The following BRWD1 variants were observed in gnomAD, a reference collection of about 807,000 sequenced individuals.
BRWD1 encodes the protein bromodomain and WD repeat domain containing 1, also known as bromodomain and WD repeat-containing protein 1.
Under a neutral mutation model 251.2 loss-of-function variants are expected in BRWD1, and 82 were observed. The observed-to-expected ratio is 0.33, with a 90% CI of 0.27 to 0.39. The LOEUF (loss-of-function observed/expected upper bound fraction) is 0.39. BRWD1 is among the 10% of genes least tolerant of loss of function. The pLI is 1.00. For missense variants in BRWD1, 2,233 were observed against 2,711.6 expected (o/e 0.82, Z 3.92); for synonymous variants, 918 against 902.8 (o/e 1.02, Z -0.30).
In BRWD1 at chr21:39,187,325, T is replaced by C. The variant is rs752310727; in HGVS notation, c.*8934A>G. 6.2e-7 allele frequency: 1 copy of C among 1,613,990 alleles called. No individual in the cohort carries two copies. The highest frequency in any genetic ancestry group is 1.1e-5 in the South Asian group (1 of 91,078). On this transcript the variant is annotated 3_prime_UTR_variant, in exon 41 of 41. Coordinates refer to ENST00000342449, the MANE Select transcript of BRWD1 (RefSeq NM_033656.4). ...ACTTTCTCAGGTACCATTTTTGCTT[T>C]CAGAGTTTCACTAGGCATCTGCACT...
At chr21:39,238,690 G>A in intron 21 of BRWD1, 117 bp from the exon 22 acceptor site, 2 of 658,156 alleles carry the variant, frequency 3.0e-6, no homozygotes, top group Non-Finnish European at 5.3e-6. Context: ...AAAATGAACA[G>A]TAATCAGTAA....
In BRWD1 at chr21:39,192,745, G is replaced by A; in HGVS notation, c.*3514C>T. The A allele has an allele frequency of 2.0e-6, 2 of 985,016 alleles. No individual in the cohort carries two copies. Among genetic ancestry groups the A allele is most frequent in the Non-Finnish European group, 2.4e-6 (2 of 829,638 alleles). The allele number at this position is 985,016 out of a possible 1,614,324, so 61.0% of individuals were successfully genotyped here. A position where few individuals can be genotyped will look rare whatever the true frequency, so the allele number is the denominator to read the frequency against. Reference sequence around the variant, plus strand: ...TTACTCAAAAAATTGATACAATGGAGTGGAAAGGAAAACAAAAAAGATCGT... The same window carrying A: ...TTACTCAAAAAATTGATACAATGGAATGGAAAGGAAAACAAAAAAGATCGT... On this transcript the variant is annotated 3_prime_UTR_variant, in exon 41 of 41. Transcript: ENST00000342449.
chr21:39,266,307 T>G (rs2034921039), intron 15 of BRWD1, among the ~76,000 whole-genome samples: 1 of 152,132 alleles, frequency 6.6e-6, no homozygotes, highest in Non-Finnish European at 1.5e-5. Flanking sequence ...TGTGTGTATA[T>G]ATATTATATA....
At chr21:39,234,682 G>A (rs1159980795) in intron 23 of BRWD1, among the ~76,000 whole-genome samples, 1 of 152,150 alleles carries the variant, frequency 6.6e-6, no homozygotes, top group African/African-American at 2.4e-5. Context: ...CAACAGCTCA[G>A]GGAACATGTT....
intron 20 of BRWD1, among the ~76,000 whole-genome samples, chr21:39,248,256 T>TA (rs1410241993): frequency 6.6e-6 from 1 of 151,912 alleles, no homozygotes; most frequent in African/African-American, 2.4e-5. Flanking sequence ...TACTAATCAT[T>TA]AGAGAAATGC....
Position 39,236,702 on chromosome 21 carries a change from G to T in BRWD1, c.2659C>A (p.Arg887=). 3 of 1,613,932 alleles carry T rather than the reference G, an allele frequency of 1.9e-6. No individual in the cohort carries two copies. The highest frequency in any genetic ancestry group is 2.5e-6 in the Non-Finnish European group (3 of 1,179,948). ...GAACTACTACAAAATCGAGTAATTC[G>T]TCGACGACATGATGTTCTTAAAGGA... is the stretch of plus-strand genomic sequence containing the variant. ...QPPLRTSCRR[R]ITRFCSSSED... is the part of the protein sequence containing the mutation. The change falls in exon 23 of 41, where the codon CGA becomes AGA. Residue 887 remains arginine (R), a synonymous_variant. Transcript: ENST00000342449.
intron 8 of BRWD1, among the ~76,000 whole-genome samples, chr21:39,292,122 T>TGGGGGGGGGGGGGGGG (rs1336734101): frequency 4.6e-4 from 1 of 2,184 alleles, no homozygotes; most frequent in Non-Finnish European, 1.1e-3. Context: ...TTGTGGGGGG[T>TGGGGGGGGGGGGGGGG]GGGTGGGGGT....
intron 31 of BRWD1, 98 bp from the exon 32 acceptor site, chr21:39,215,460 A>G: frequency 9.3e-7 from 1 of 1,072,616 alleles, no homozygotes; most frequent in Non-Finnish European, 1.4e-6. Flanking sequence ...TGAAATAATA[A>G]TTAAACCATA....
Position 39,194,510 on chromosome 21 carries a change from C to T in BRWD1, c.*1749G>A. On this transcript the variant is annotated 3_prime_UTR_variant, in exon 41 of 41. Coordinates refer to ENST00000342449, the MANE Select transcript of BRWD1 (RefSeq NM_033656.4). Reference sequence around the variant, plus strand: ...TTCTGAGAAGAAAAGCATCATAGTTCTGAAATGGTGATAGCTCTCTAAGCC... The same window carrying T: ...TTCTGAGAAGAAAAGCATCATAGTTTTGAAATGGTGATAGCTCTCTAAGCC... 2 of 1,422,480 alleles carry T rather than the reference C, an allele frequency of 1.4e-6. No individual in the cohort carries two copies. The highest frequency in any genetic ancestry group is 5.0e-5 in the East Asian group (2 of 39,620). 88.1% of individuals were successfully genotyped at this position (1,422,480 alleles called of 1,614,324 possible). A position where few individuals can be genotyped will look rare whatever the true frequency, so the allele number is the denominator to read the frequency against.
chr21:39,198,585 G>A (rs1266731407), intron 40 of BRWD1, among the ~76,000 whole-genome samples, 178 bp downstream of exon 40: 1 of 152,100 alleles, frequency 6.6e-6, no homozygotes, highest in Non-Finnish European at 1.5e-5. Context: ...AGTTACGCAT[G>A]CACATAAGAA....
chr21:39,274,521 A>G, intron 12 of BRWD1, 49 bp from the exon 13 acceptor site: 1 of 1,385,972 alleles, frequency 7.2e-7, no homozygotes, highest in Non-Finnish European at 1.0e-6. Flanking sequence ...ACTTTCCAAC[A>G]AGGGCTACAA....
intron 13 of BRWD1, among the ~76,000 whole-genome samples, chr21:39,273,114 C>T (rs756360282): frequency 6.6e-6 from 1 of 152,142 alleles, no homozygotes; most frequent in Non-Finnish European, 1.5e-5. Flanking sequence ...CTTCATGGAT[C>T]GAGTGCGTCA....
chr21:39,262,989 G>A (rs1425222782), intron 17 of BRWD1, among the ~76,000 whole-genome samples: 2 of 151,078 alleles, frequency 1.3e-5, no homozygotes, highest in South Asian at 2.1e-4. Flanking sequence ...GTTAGCACAC[G>A]CCTACAGTCC....
At chr21:39,302,605 A>G (rs532638485) in intron 4 of BRWD1, among the ~76,000 whole-genome samples, 3 of 151,974 alleles carry the variant, frequency 2.0e-5, no homozygotes, top group South Asian at 4.2e-4. Flanking sequence ...AAAAATACAA[A>G]AATTAGCCAG....
chr21:39,228,728 T>C, intron 26 of BRWD1, 146 bp from the exon 27 acceptor site: 1 of 543,342 alleles, frequency 1.8e-6, no homozygotes. Flanking sequence ...AACAGTAAAC[T>C]TCATAGCATA....
At chr21:39,240,060 A>C (rs532320874) in intron 21 of BRWD1, among the ~76,000 whole-genome samples, 7 of 150,718 alleles carry the variant, frequency 4.6e-5, no homozygotes, top group Non-Finnish European at 8.8e-5. Context: ...TGCTAAAAAA[A>C]ACAAACAAAC....
chr21:39,216,750 G>A, intron 31 of BRWD1: 1 of 404,906 alleles, frequency 2.5e-6, no homozygotes, highest in Admixed American at 3.0e-5. Context: ...AAAGCCTGAA[G>A]AGACCACCTG....
At chr21:39,263,363 T>C (rs1177073182) in intron 17 of BRWD1, among the ~76,000 whole-genome samples, 1 of 152,150 alleles carries the variant, frequency 6.6e-6, no homozygotes, top group Admixed American at 6.5e-5. Context: ...ACTTTGCACT[T>C]GGCTACGACA....
Position 39,215,356 on chromosome 21 carries a change from C to G in BRWD1, c.3666G>C (p.Leu1222=), listed in dbSNP as rs370690155. 1.6e-5 allele frequency: 25 copies of G among 1,612,668 alleles called. No homozygotes were observed. Among genetic ancestry groups the G allele is most frequent in the Non-Finnish European group, 2.0e-5 (24 of 1,179,290 alleles). ...ATCTGACTTCCCAAACTAACGCAGA[C>G]AGCCTCCTTCAAAATAAAGTAGACA... ...MRLVNRFYRR[L]SALVWEVRYI... The change falls in exon 32 of 41, where the codon CTG becomes CTC. Residue 1222 remains leucine (L), a synonymous_variant. Coordinates refer to ENST00000342449, the MANE Select transcript of BRWD1 (RefSeq NM_033656.4).
Sources: allele counts gnomAD v4.1 joint callset (sites outside exome capture counted in the v4.1 genomes callset), GRCh38; gene constraint gnomAD v4.1.1; transcripts MANE v1.5; gene names NCBI Gene and HGNC (gene_info 2026-07-23, HGNC 2026-07-21).